The following DYRK1A variants were observed in gnomAD, a reference collection of about 807,000 sequenced individuals.
DYRK1A encodes the protein dual specificity tyrosine-phosphorylation-regulated kinase 1A.
In DYRK1A, 9 loss-of-function variants were observed where a neutral mutation model predicts 79.7. That is an observed-to-expected ratio of 0.11 (90% CI 0.07 to 0.20). The LOEUF is 0.20. Ranked by LOEUF, DYRK1A falls within the 10% of genes least tolerant of loss-of-function variation. DYRK1A has a pLI of 1.00. For missense variants in DYRK1A, 622 were observed against 956.0 expected (o/e 0.65, Z 4.61); for synonymous variants, 349 against 329.7 (o/e 1.06, Z -0.63).
Position 37,516,385 on chromosome 21 carries a change from G to A in DYRK1A, c.*3854G>A, listed in dbSNP as rs1247587528. 2 of 152,198 alleles carry A rather than the reference G, an allele frequency of 1.3e-5. No homozygotes were observed. The highest frequency in any genetic ancestry group is 2.9e-5 in the Non-Finnish European group (2 of 68,028). The allele number at this position is 152,198 out of a possible 1,614,324, so 9.4% of individuals were successfully genotyped here. A position where few individuals can be genotyped will look rare whatever the true frequency, so the allele number is the denominator to read the frequency against. On this transcript the variant is annotated 3_prime_UTR_variant, in exon 12 of 12. Coordinates refer to ENST00000647188, the MANE Select transcript of DYRK1A (RefSeq NM_001347721.2). ...AAAACCTTTGGTGTCAGGGAGAGTA[G>A]AGGAGAAGTTCTGATTTTCATAACC...
intron 9 of DYRK1A, chr21:37,502,404 A>ATTT (rs1201934231): frequency 6.6e-6 from 1 of 151,534 alleles, no homozygotes; most frequent in South Asian, 2.1e-4. Flanking sequence ...TCTTGTACTG[A>ATTT]TTTTTTTACT....
At position 37,520,043 on chromosome 21, in the gene DYRK1A, AGT is replaced by A. The variant is rs1475240913; in HGVS notation, c.*7513_*7514del. On this transcript the variant is annotated 3_prime_UTR_variant, in exon 12 of 12. Coordinates refer to ENST00000647188, the MANE Select transcript of DYRK1A (RefSeq NM_001347721.2). ...TACAGGTGTGAGGGAGTTTTTCGGT[AGT>A]TTGCTTTGCCTTGATAAACTATATG... 1 of 152,038 alleles carries A rather than the reference AGT, an allele frequency of 6.6e-6. No homozygotes were observed. The highest frequency in any genetic ancestry group is 1.5e-5 in the Non-Finnish European group (1 of 68,028). 9.4% of individuals were successfully genotyped at this position (152,038 alleles called of 1,614,324 possible).
At chr21:37,425,872 G>A (rs1260109364) in intron 2 of DYRK1A, 1 of 152,222 alleles carries the variant, frequency 6.6e-6, no homozygotes, top group Non-Finnish European at 1.5e-5. Context: ...ATGGACCTGA[G>A]AATAGGAGAA....
intron 11 of DYRK1A, among the ~76,000 whole-genome samples, chr21:37,508,854 GTCT>G (rs2053671914): frequency 1.3e-5 from 2 of 151,984 alleles, no homozygotes; most frequent in African/African-American, 4.8e-5. Context: ...TATGCTTCAG[GTCT>G]TAAGTATCAC....
chr21:37,425,686 C>G (rs935192829), intron 2 of DYRK1A: 12 of 151,296 alleles, frequency 7.9e-5, no homozygotes, highest in Admixed American at 7.2e-4. Flanking sequence ...CCATTTTCCT[C>G]TAGAAGAGAC....
intron 2 of DYRK1A, chr21:37,430,516 T>G: frequency 1.7e-6 from 1 of 576,088 alleles, no homozygotes; most frequent in Non-Finnish European, 2.2e-6. Context: ...GAACCCTTGT[T>G]GCCCAACTCA....
intron 1 of DYRK1A, among the ~76,000 whole-genome samples, chr21:37,413,811 C>G (rs1457318189): frequency 6.6e-6 from 1 of 152,084 alleles, no homozygotes; most frequent in East Asian, 1.9e-4. Flanking sequence ...CATAAAAGAA[C>G]ATCCTTAAGC....
At chr21:37,395,373 A>T (rs2049941985) in intron 1 of DYRK1A, among the ~76,000 whole-genome samples, 1 of 152,088 alleles carries the variant, frequency 6.6e-6, no homozygotes. Flanking sequence ...AAGGATTGTT[A>T]TTGGGGAGTA....
intron 1 of DYRK1A, among the ~76,000 whole-genome samples, chr21:37,417,529 C>CTTTTTCTTTTTTTT (rs1555959239): frequency 3.0e-4 from 13 of 44,040 alleles, no homozygotes; most frequent in Non-Finnish European, 3.9e-4. Flanking sequence ...TTTTCTTTTT[C>CTTTTTCTTTTTTTT]TTTTTTTTTT....
intron 9 of DYRK1A, among the ~76,000 whole-genome samples, chr21:37,500,599 A>T (rs1248847533): frequency 6.6e-6 from 1 of 152,116 alleles, no homozygotes; most frequent in South Asian, 2.1e-4. Flanking sequence ...AGAACCTGCG[A>T]CATTTTTTGT....
intron 2 of DYRK1A, among the ~76,000 whole-genome samples, chr21:37,465,479 T>C (rs971541378): frequency 3.3e-5 from 5 of 152,192 alleles, no homozygotes; most frequent in African/African-American, 1.2e-4. Flanking sequence ...AGAACAGCTT[T>C]CTTTTATTAA....
Position 37,366,997 on chromosome 21 carries a change from C to G in DYRK1A, c.-708C>G, listed in dbSNP as rs2049319598. The G allele has an allele frequency of 6.1e-6, 1 of 165,062 alleles. No homozygotes were observed. The highest frequency in any genetic ancestry group is 1.3e-5 in the Non-Finnish European group (1 of 76,538). The allele number at this position is 165,062 out of a possible 1,614,324, so 10.2% of individuals were successfully genotyped here. On this transcript the variant is annotated 5_prime_UTR_variant, in exon 1 of 12. Coordinates refer to ENST00000647188, the MANE Select transcript of DYRK1A (RefSeq NM_001347721.2). ...CGGGGGGTGCGGGCGCCGCCGCCGC[C>G]GCTTCTGCTGCTGCTGTTCCTGCTG...
chr21:37,480,938 C>G (rs2052618091), intron 5 of DYRK1A, 112 bp downstream of exon 5: 1 of 788,230 alleles, frequency 1.3e-6, no homozygotes, highest in Non-Finnish European at 2.0e-6. Flanking sequence ...AAATAGAGCT[C>G]AGCAATGGAT....
At chr21:37,508,352 A>G (rs1349299093) in intron 11 of DYRK1A, among the ~76,000 whole-genome samples, 2 of 152,052 alleles carry the variant, frequency 1.3e-5, no homozygotes, top group African/African-American at 4.8e-5. Flanking sequence ...GAATGGAACA[A>G]TCTCTGCTCA....
intron 2 of DYRK1A, among the ~76,000 whole-genome samples, chr21:37,440,410 T>C (rs575154127): frequency 3.9e-5 from 6 of 152,252 alleles, no homozygotes; most frequent in African/African-American, 1.4e-4. Context: ...GTGTTGGGAT[T>C]ACAGGCGTGA....
chr21:37,505,769 G>A (rs769705139), intron 10 of DYRK1A, among the ~76,000 whole-genome samples, 180 bp downstream of exon 10: 4 of 152,122 alleles, frequency 2.6e-5, no homozygotes, highest in Non-Finnish European at 5.9e-5. Context: ...ATTTAGTTAC[G>A]CATGTAATAA....
intron 2 of DYRK1A, among the ~76,000 whole-genome samples, chr21:37,462,416 C>T (rs372972079): frequency 6.6e-6 from 1 of 152,168 alleles, no homozygotes; most frequent in Non-Finnish European, 1.5e-5. Flanking sequence ...AGCCCTAGCC[C>T]TAAATGTGGA....
rs1295873512 is a variant in DYRK1A, at chr21:37,452,391, C to T, written c.11-20293C>T. 3.3e-5 allele frequency among the ~76,000 whole-genome samples: 5 copies of T among 151,816 alleles called. No homozygotes were observed. In the South Asian group the frequency reaches 6.2e-4, roughly 19 times the overall value. ...GGGTGGGGAGGTGGAAGTAAGAGAG[C>T]GAATAAGATTGAGGTTTCTAGCTTG... is the stretch of plus-strand genomic sequence containing the variant. On this transcript the variant is annotated intron_variant, in intron 2 of 11. Coordinates refer to ENST00000647188, the MANE Select transcript of DYRK1A (RefSeq NM_001347721.2).
At chr21:37,368,567 A>C (rs982720583) in intron 1 of DYRK1A, among the ~76,000 whole-genome samples, 1 of 152,164 alleles carries the variant, frequency 6.6e-6, no homozygotes, top group Non-Finnish European at 1.5e-5. Context: ...ATTCCGCCCA[A>C]ATTGTCAGAA....
Sources: gnomAD v4.1 joint callset for allele counts (sites outside exome capture counted in the v4.1 genomes callset) on GRCh38, gnomAD v4.1.1 for gene constraint, MANE v1.5 for transcripts, NCBI Gene and HGNC (gene_info 2026-07-23, HGNC 2026-07-21) for gene names.